TRIM14: variants seen among roughly 807,000 people sequenced by gnomAD.
TRIM14 encodes tripartite motif containing 14.
In TRIM14, 28 loss-of-function variants were observed where a neutral mutation model predicts 44.5. The ratio of observed to expected loss-of-function variants is 0.63; its 90% confidence interval spans 0.47 to 0.86. TRIM14 has a LOEUF of 0.86. TRIM14 is among the 40% of genes least tolerant of loss of function. TRIM14 has a pLI of 0.00. For missense variants in TRIM14, 607 were observed against 611.1 expected, an observed-to-expected ratio of 0.99 and a Z score of 0.07; for synonymous variants, 299 against 269.2, an observed-to-expected ratio of 1.11 and a Z score of -1.08.
chr9:98,040,664 C>CT, the TRIM14 span, among the ~76,000 whole-genome samples: 1,640 of 146,520 alleles, frequency 0.011, 30 homozygotes, highest in African/African-American at 0.036. Context: ...ATTTTCTTTT[C>CT]TTTTTTTTTT....
intron 1 of TRIM14, among the ~76,000 whole-genome samples, chr9:98,111,048 TC>T (rs147862175): frequency 0.13 from 18,038 of 143,376 alleles, 3,218 homozygotes; most frequent in African/African-American, 0.4. Context: ...TGAGACCCTG[TC>T]CCCCCCCCCA....
chr9:98,038,707 G>C, the TRIM14 span, among the ~76,000 whole-genome samples: 1 of 152,092 alleles, frequency 6.6e-6, no homozygotes, highest in African/African-American at 2.4e-5. Context: ...CATTTTCTCT[G>C]TGATCAGAGT....
the TRIM14 span, chr9:98,057,026 G>A: frequency 7.0e-7 from 1 of 1,435,124 alleles, no homozygotes; most frequent in Non-Finnish European, 9.2e-7. Flanking sequence ...CACGGCCTCC[G>A]CGGCTGGGTA....
intron 6 of TRIM14, chr9:98,078,285 T>C (rs1829684150): frequency 6.2e-7 from 1 of 1,614,040 alleles, no homozygotes; most frequent in African/African-American, 1.3e-5. Flanking sequence ...CAACTTCTGC[T>C]TCTTGCAGTG....
chr9:98,082,413 T>C (rs1829912079), downstream of TRIM14, among the ~76,000 whole-genome samples: 1 of 152,104 alleles, frequency 6.6e-6, no homozygotes, highest in Admixed American at 6.5e-5. Context: ...ATGTTTACAA[T>C]GAGATACTGA....
Position 98,094,058 on chromosome 9 carries a change from T to C in TRIM14, c.700+809A>G, listed in dbSNP as rs1022632837. Among the ~76,000 whole-genome samples the C allele has an allele frequency of 2.0e-5, 3 of 152,138 alleles. No individual in the cohort carries two copies. In the East Asian group the frequency reaches 5.8e-4, roughly 29 times the overall value. On this transcript the variant is annotated intron_variant, in intron 4 of 5. Transcript: ENST00000341469. ...CACGCCCGGCCTTTATTATTCTTTA[T>C]AGCAGTATAGCAGTTCCTGTCACCT...
At chr9:98,093,264 C>T (rs535120074) in intron 4 of TRIM14, among the ~76,000 whole-genome samples, 3 of 152,282 alleles carry the variant, frequency 2.0e-5, no homozygotes, top group East Asian at 3.9e-4. Flanking sequence ...TCACTCCCAT[C>T]GCGCCTCAGG....
chr9:98,088,096 A>C (rs1587942969), intron 5 of TRIM14, 91 bp from the exon 6 acceptor site: 1 of 1,331,124 alleles, frequency 7.5e-7, no homozygotes, highest in East Asian at 3.1e-5. Context: ...TGCAAATCAC[A>C]AAATGCGAAG....
At chr9:98,093,762 T>C (rs1826082069) in intron 4 of TRIM14, among the ~76,000 whole-genome samples, 2 of 152,130 alleles carry the variant, frequency 1.3e-5, no homozygotes, top group African/African-American at 4.8e-5. Context: ...ATTGTTATTT[T>C]TGAGACAGAG....
intron 5 of TRIM14, among the ~76,000 whole-genome samples, chr9:98,090,859 CGG>C (rs1825969582): frequency 6.6e-6 from 1 of 152,124 alleles, no homozygotes; most frequent in African/African-American, 2.4e-5. Context: ...CCACCGTGCT[CGG>C]CCTTTAAATC....
the TRIM14 span, among the ~76,000 whole-genome samples, chr9:98,037,376 T>TCAAA: frequency 9.9e-5 from 15 of 152,024 alleles, no homozygotes; most frequent in South Asian, 8.3e-4. Flanking sequence ...AGACTCCATC[T>TCAAA]CAAACAAACA....
the TRIM14 span, among the ~76,000 whole-genome samples, chr9:98,049,340 T>TAA: frequency 8.9e-4 from 60 of 67,076 alleles, 2 homozygotes; most frequent in African/African-American, 3.2e-3. Context: ...AGACTCTGCA[T>TAA]AAAAAAAAAA....
intron 3 of TRIM14, among the ~76,000 whole-genome samples, chr9:98,098,554 T>TA (rs1737389945): frequency 6.7e-6 from 1 of 149,120 alleles, no homozygotes; most frequent in Non-Finnish European, 1.5e-5. Context: ...TACTAAAAAA[T>TA]ACAAAAAATT....
chr9:98,067,380 G>A (rs1829179042), downstream of TRIM14, among the ~76,000 whole-genome samples: 1 of 152,168 alleles, frequency 6.6e-6, no homozygotes, highest in Admixed American at 6.6e-5. Context: ...GGGTTTGATG[G>A]TGCCAGTTGC....
chr9:98,104,472 ACTT>A (rs755527988), intron 2 of TRIM14, among the ~76,000 whole-genome samples: 23 of 152,304 alleles, frequency 1.5e-4, no homozygotes, highest in Non-Finnish European at 2.8e-4. Flanking sequence ...CCACCAGAAA[ACTT>A]CTTGTATAAG....
rs1826154824 is a variant in TRIM14, at chr9:98,095,523, G to A, written c.538-494C>T. Reference sequence around the variant, plus strand: ...GTTCTAAGAAGGACGCCAAAGGCCAGCAAGGTTCAGCTGCAGTGCTGACTG... The same window carrying A: ...GTTCTAAGAAGGACGCCAAAGGCCAACAAGGTTCAGCTGCAGTGCTGACTG... On this transcript the variant is annotated intron_variant, in intron 3 of 5. Coordinates refer to ENST00000341469, the MANE Select transcript of TRIM14 (RefSeq NM_014788.4). The surrounding 1 kb of genome is among the most constrained non-coding windows in gnomAD (Gnocchi z 4.1). Among the ~76,000 whole-genome samples the A allele has an allele frequency of 6.6e-6, 1 of 152,254 alleles. No homozygotes were observed. Among genetic ancestry groups the A allele is most frequent in the African/African-American group, 2.4e-5 (1 of 41,466 alleles).
At chr9:98,052,743 T>G in the TRIM14 span, among the ~76,000 whole-genome samples, 1,296 of 152,316 alleles carry the variant, frequency 8.5e-3, 17 homozygotes, top group African/African-American at 0.029. Context: ...TGATCTCAGC[T>G]GATCCACTCT....
downstream of TRIM14, chr9:98,080,947 GA>G (rs1481860872): frequency 6.2e-7 from 1 of 1,614,228 alleles, no homozygotes; most frequent in Non-Finnish European, 8.5e-7. Flanking sequence ...ACAAGACCTG[GA>G]AGGGGAGTGA....
intron 1 of TRIM14, among the ~76,000 whole-genome samples, chr9:98,116,336 T>C (rs927975474): frequency 6.7e-6 from 1 of 149,980 alleles, no homozygotes; most frequent in Admixed American, 6.6e-5. Context: ...TTGGAAAGAC[T>C]GGACTAGCTT....
Sources: gnomAD v4.1 joint callset for allele counts (sites outside exome capture counted in the v4.1 genomes callset) on GRCh38, gnomAD v4.1.1 for gene constraint, Gnocchi (gnomAD v3.1) non-coding constraint, MANE v1.5 for transcripts, NCBI Gene and HGNC (gene_info 2026-07-23, HGNC 2026-07-21) for gene names.